The following ARHGAP26 variants were observed in gnomAD, a reference collection of about 807,000 sequenced individuals.
The protein encoded by ARHGAP26 is Rho GTPase activating protein 26.
A neutral mutation model predicts 104.8 loss-of-function variants in ARHGAP26; 38 were observed. That is an observed-to-expected ratio of 0.36 (90% CI 0.28 to 0.48). The LOEUF is 0.48. Ranked by LOEUF, ARHGAP26 falls within the 20% of genes least tolerant of loss-of-function variation. ARHGAP26 has a pLI of 0.99. For missense variants in ARHGAP26, 704 were observed against 947.9 expected (o/e 0.74, Z 3.38); for synonymous variants, 341 against 340.0 (o/e 1.00, Z -0.03).
intron 1 of ARHGAP26, among the ~76,000 whole-genome samples, chr5:142,818,890 C>G (rs1464724029): frequency 6.6e-6 from 1 of 152,070 alleles, no homozygotes; most frequent in African/African-American, 2.4e-5. Flanking sequence ...TTCCCTGACC[C>G]TATGATAAGG....
At chr5:142,999,712 A>T (rs934086682) in intron 11 of ARHGAP26, among the ~76,000 whole-genome samples, 3 of 152,186 alleles carry the variant, frequency 2.0e-5, no homozygotes, top group African/African-American at 7.2e-5. Context: ...GCGATCTGGG[A>T]TTGGCAAAAG....
At chr5:142,802,144 C>T (rs999045897) in intron 1 of ARHGAP26, among the ~76,000 whole-genome samples, 2 of 152,158 alleles carry the variant, frequency 1.3e-5, no homozygotes, top group Admixed American at 6.5e-5. Flanking sequence ...TTTCTTTTTA[C>T]AGTAATGGCT....
chr5:143,063,982 A>G (rs1200251595), intron 17 of ARHGAP26, among the ~76,000 whole-genome samples: 4 of 152,200 alleles, frequency 2.6e-5, no homozygotes, highest in African/African-American at 9.7e-5. Context: ...TTTCTTACCT[A>G]GAAGTTACAA....
intron 1 of ARHGAP26, among the ~76,000 whole-genome samples, chr5:142,840,116 T>C (rs1367457867): frequency 6.6e-6 from 1 of 152,206 alleles, no homozygotes; most frequent in East Asian, 1.9e-4. Flanking sequence ...CTTTGAGATA[T>C]AGAATCTGCC....
At chr5:143,190,910 A>G (rs1457697881) in intron 20 of ARHGAP26, among the ~76,000 whole-genome samples, 1 of 152,248 alleles carries the variant, frequency 6.6e-6, no homozygotes, top group Non-Finnish European at 1.5e-5. Context: ...TTCAGAAAAC[A>G]TGCTAAATGA....
At chr5:142,997,222 A>G (rs1776539745) in intron 11 of ARHGAP26, among the ~76,000 whole-genome samples, 1 of 152,044 alleles carries the variant, frequency 6.6e-6, no homozygotes, top group Non-Finnish European at 1.5e-5. Context: ...TCATCTACTC[A>G]CCAAAATTTA....
At chr5:143,140,965 C>G (rs1040052443) in intron 19 of ARHGAP26, among the ~76,000 whole-genome samples, 1 of 152,222 alleles carries the variant, frequency 6.6e-6, no homozygotes, top group Non-Finnish European at 1.5e-5. Context: ...TATTCAAAGG[C>G]TTACGTAATG....
rs549201540 is a variant in ARHGAP26 at position 142,778,381 on chromosome 5, CT to C, written c.154+7470del. On this transcript the variant is annotated intron_variant, in intron 1 of 22. Transcript: ENST00000645722. ...GACGTATACAGTGTAAAAGCACCCC[CT>C]TTTCCTAGCTAACAATCATTGTTAG... Among the ~76,000 whole-genome samples the C allele has an allele frequency of 2.0e-5, 3 of 152,292 alleles. No individual in the cohort carries two copies. In the East Asian group the frequency reaches 5.8e-4, roughly 29 times the overall value.
chr5:142,798,848 G>A (rs1761502267), intron 1 of ARHGAP26, among the ~76,000 whole-genome samples: 1 of 152,156 alleles, frequency 6.6e-6, no homozygotes, highest in Non-Finnish European at 1.5e-5. Flanking sequence ...ACTAGTTCAG[G>A]GCTGTGGGAT....
intron 4 of ARHGAP26, among the ~76,000 whole-genome samples, chr5:142,880,277 T>C (rs1035576203): frequency 1.3e-5 from 2 of 152,176 alleles, no homozygotes; most frequent in Admixed American, 1.3e-4. Context: ...CCCAGCACTT[T>C]GGGAGGCCTA....
intron 17 of ARHGAP26, among the ~76,000 whole-genome samples, chr5:143,099,332 T>C (rs888773330): frequency 6.6e-6 from 1 of 152,136 alleles, no homozygotes. Flanking sequence ...GGTAGAGGAA[T>C]ATAGAATTGC....
intron 1 of ARHGAP26, among the ~76,000 whole-genome samples, chr5:142,850,312 G>A (rs547502936): frequency 1.4e-4 from 21 of 152,248 alleles, no homozygotes; most frequent in African/African-American, 5.1e-4. Context: ...TCCTTCCTTA[G>A]AGGAACATCA....
At chr5:143,024,082 T>A (rs145981010) in intron 12 of ARHGAP26, among the ~76,000 whole-genome samples, 153 of 152,350 alleles carry the variant, frequency 1.0e-3, no homozygotes, top group African/African-American at 3.7e-3. Flanking sequence ...TTACATTTAG[T>A]TGAGCTGTAA....
intron 20 of ARHGAP26, among the ~76,000 whole-genome samples, chr5:143,199,634 C>T (rs1807402037): frequency 6.6e-6 from 1 of 152,166 alleles, no homozygotes; most frequent in Non-Finnish European, 1.5e-5. Flanking sequence ...ACAGTCTAAC[C>T]TGGAAGGGGA....
chr5:142,885,037 A>T (rs26696), intron 4 of ARHGAP26, among the ~76,000 whole-genome samples: 36,683 of 152,106 alleles, frequency 0.24, 4,910 homozygotes, highest in South Asian at 0.5. Flanking sequence ...CAAAGTTCTT[A>T]GAGGGGGAAT....
chr5:142,873,554 C>T, intron 2 of ARHGAP26, 59 bp downstream of exon 2: 1 of 1,181,284 alleles, frequency 8.5e-7, no homozygotes, highest in East Asian at 2.7e-5. Flanking sequence ...CCTTCAGTGT[C>T]CCAGCAGAGC....
intron 17 of ARHGAP26, among the ~76,000 whole-genome samples, chr5:143,110,365 A>G (rs1403649949): frequency 6.6e-6 from 1 of 152,230 alleles, no homozygotes. Flanking sequence ...TGGTAATTGA[A>G]AAATAGATGT....
In ARHGAP26 at chr5:143,165,639, G is replaced by T. The variant is rs374666593; in HGVS notation, c.1988+18258G>T. ...TGGGTATATTGTGTGATGTTATGAG[G>T]ACTGGGCTTCTAATGTACCCATCAC... On this transcript the variant is annotated intron_variant, in intron 20 of 22. Coordinates refer to ENST00000645722, the MANE Select transcript of ARHGAP26 (RefSeq NM_001135608.3). Among the ~76,000 whole-genome samples, 10 of 152,214 alleles carry T rather than the reference G, an allele frequency of 6.6e-5. No homozygotes were observed. The South Asian group carries it at 2.1e-3, about 32-fold the overall frequency.
chr5:143,037,334 TG>T (rs1353474856), intron 13 of ARHGAP26, 73 bp downstream of exon 13: 21 of 1,293,470 alleles, frequency 1.6e-5, no homozygotes, highest in African/African-American at 4.4e-5. Flanking sequence ...ACCTGCTACC[TG>T]CTGTTTCCTG....
Sources: allele counts gnomAD v4.1 joint callset (sites outside exome capture counted in the v4.1 genomes callset), GRCh38; gene constraint gnomAD v4.1.1; transcripts MANE v1.5; gene names NCBI Gene and HGNC (gene_info 2026-07-23, HGNC 2026-07-21).